The following PRMT9 variants were observed in gnomAD, a reference collection of about 807,000 sequenced individuals.
PRMT9 encodes protein arginine N-methyltransferase 9.
PRMT9 carries 59 observed loss-of-function variants against 83.2 expected under a neutral mutation model. The ratio of observed to expected loss-of-function variants is 0.71; its 90% CI spans 0.57 to 0.88. The LOEUF is 0.88. Among genes scored for constraint, PRMT9 ranks in the 40% least tolerant of loss-of-function variants. The pLI, the probability that PRMT9 is intolerant of heterozygous loss-of-function variation, is 0.00. For synonymous variants in PRMT9, 333 were observed against 353.2 expected, an observed-to-expected ratio of 0.94 and a Z score of 0.64; for missense variants, 947 against 1,021.9, an observed-to-expected ratio of 0.93 and a Z score of 1.00.
In PRMT9 at chr4:147,652,036, G is replaced by A. The variant is rs116114294; in HGVS notation, c.2045+1816C>T. Among the ~76,000 whole-genome samples, 1,306 of 151,388 alleles carry A rather than the reference G, an allele frequency of 8.6e-3. 20 individuals carry two copies. Among genetic ancestry groups the A allele is most frequent in the African/African-American group, 0.03 (1,243 of 41,256 alleles). On this transcript the variant is annotated intron_variant, in intron 9 of 11. Coordinates refer to ENST00000322396, the MANE Select transcript of PRMT9 (RefSeq NM_138364.4). ...TAAAGTGATTATACTGAATTTTTTC[G>A]CACACATAGAAGAATTTGCAAATTC...
In PRMT9 at chr4:147,683,732, TC is replaced by T. The variant is rs144420631; in HGVS notation, c.189+66del. On this transcript the variant is annotated intron_variant, in intron 1 of 11. Coordinates refer to ENST00000322396, the MANE Select transcript of PRMT9 (RefSeq NM_138364.4). Reference sequence around the variant, plus strand: ...CCTAGCCCCTCCGCTTTTTTTTTTTTCTGTTTTTTTTTTTTTTTTTACGAGG... The same window carrying T: ...CCTAGCCCCTCCGCTTTTTTTTTTTTTGTTTTTTTTTTTTTTTTTACGAGG... 1,376 of 1,088,658 alleles carry T rather than the reference TC, an allele frequency of 1.3e-3. 1 individual carries two copies. The highest frequency in any genetic ancestry group is 2.2e-3 in the East Asian group (79 of 35,156). 67.4% of individuals were successfully genotyped at this position (1,088,658 alleles called of 1,614,324 possible).
chr4:147,666,823 TAAAAAAA>T (rs67002013), intron 6 of PRMT9, among the ~76,000 whole-genome samples: 17 of 126,456 alleles, frequency 1.3e-4, no homozygotes, highest in African/African-American at 3.5e-4. Flanking sequence ...GAACTTTGTT[TAAAAAAA>T]AAAAAAAAAA....
rs76231106 is a variant in PRMT9, at chr4:147,671,947, G to T, written c.743+1012C>A. 2,545 of 453,054 alleles carry T rather than the reference G, an allele frequency of 5.6e-3. 51 individuals carry two copies. Among genetic ancestry groups the T allele is most frequent in the African/African-American group, 0.039 (1,934 of 49,928 alleles). 28.1% of individuals were successfully genotyped at this position (453,054 alleles called of 1,614,324 possible). A position where few individuals can be genotyped will look rare whatever the true frequency, so the allele number is the denominator to read the frequency against. ...CAAGAAAGCAGAATCTGCAATCCAGGAAGAGAATCCTCACAAGAAACCAAA... is the reference window on the plus strand; with the variant it reads ...CAAGAAAGCAGAATCTGCAATCCAGTAAGAGAATCCTCACAAGAAACCAAA... On this transcript the variant is annotated intron_variant, in intron 4 of 11. Coordinates refer to ENST00000322396, the MANE Select transcript of PRMT9 (RefSeq NM_138364.4).
At chr4:147,673,937 T>C (rs1467905340) in intron 2 of PRMT9, 63 bp from the exon 3 acceptor site, 5 of 1,285,862 alleles carry the variant, frequency 3.9e-6, no homozygotes, top group South Asian at 3.6e-5. Flanking sequence ...TGCAGTACCT[T>C]TGTTTATGCC....
intron 9 of PRMT9, among the ~76,000 whole-genome samples, chr4:147,649,788 A>G (rs1009730894): frequency 1.3e-5 from 2 of 152,152 alleles, no homozygotes; most frequent in Non-Finnish European, 2.9e-5. Context: ...TACAGGCATG[A>G]GCCACCGCAT....
intron 6 of PRMT9, among the ~76,000 whole-genome samples, chr4:147,662,175 T>C (rs935221461): frequency 1.3e-5 from 2 of 152,188 alleles, no homozygotes; most frequent in East Asian, 3.9e-4. Context: ...AGTCATATAA[T>C]GGAGTATGAT....
Position 147,683,844 on chromosome 4 carries a change from G to A in PRMT9, c.144C>T (p.Tyr48=), listed in dbSNP as rs1736673495. 6.2e-7 allele frequency: 1 copy of A among 1,613,496 alleles called. No homozygotes were observed. The highest frequency in any genetic ancestry group is 1.3e-5 in the African/African-American group (1 of 74,900). ...VQDFGTAYAH[Y]LLVLSLAPEL... is the part of the protein sequence containing the mutation. The stretch of plus-strand genomic sequence containing the variant: ...CCGGCGCCAGGCTGAGCACGAGGAG[G>A]TAGTGGGCATAGGCAGTGCCGAAGT... The change falls in exon 1 of 12, where the codon TAC becomes TAT. Residue 48 remains tyrosine, a synonymous_variant. Coordinates refer to ENST00000322396, the MANE Select transcript of PRMT9 (RefSeq NM_138364.4).
intron 11 of PRMT9, 28 bp from the exon 12 acceptor site, chr4:147,638,775 A>G: frequency 6.6e-7 from 1 of 1,524,390 alleles, no homozygotes; most frequent in Non-Finnish European, 9.1e-7. Context: ...TTAGGAAAAT[A>G]TCAGAGTGCA....
chr4:147,657,086 C>T (rs1466321838), intron 8 of PRMT9, among the ~76,000 whole-genome samples: 2 of 151,804 alleles, frequency 1.3e-5, no homozygotes, highest in Non-Finnish European at 2.9e-5. Context: ...AAATTTTGTG[C>T]TTATATGAGT....
chr4:147,679,862 T>C (rs1736348370), intron 2 of PRMT9, among the ~76,000 whole-genome samples: 1 of 152,092 alleles, frequency 6.6e-6, no homozygotes, highest in Non-Finnish European at 1.5e-5. Flanking sequence ...CATCCAAGGG[T>C]CAGCAGCTTC....
intron 8 of PRMT9, among the ~76,000 whole-genome samples, chr4:147,657,208 C>T (rs909162453): frequency 2.6e-5 from 4 of 152,036 alleles, no homozygotes; most frequent in African/African-American, 7.2e-5. Context: ...AATAATGGAG[C>T]AGGATTTCTT....
intron 7 of PRMT9, among the ~76,000 whole-genome samples, chr4:147,659,064 A>G (rs1578904521): frequency 6.6e-6 from 1 of 152,182 alleles, no homozygotes; most frequent in East Asian, 1.9e-4. Context: ...CTGTAGTCCC[A>G]GCTACTCGGG....
rs373218242 is a variant in PRMT9 at position 147,679,748 on chromosome 4, C to T, written c.338+575G>A. Reference sequence around the variant, plus strand: ...CTGGGCTACAAAGTGAGACTCTGCCCCCAAAAAAAACAGTGCTGGAGAGAC... The same window carrying T: ...CTGGGCTACAAAGTGAGACTCTGCCTCCAAAAAAAACAGTGCTGGAGAGAC... On this transcript the variant is annotated intron_variant, in intron 2 of 11. Coordinates refer to ENST00000322396, the MANE Select transcript of PRMT9 (RefSeq NM_138364.4). Among the ~76,000 whole-genome samples, 6 of 151,884 alleles carry T rather than the reference C, an allele frequency of 4.0e-5. No homozygotes were observed. The East Asian group carries it at 5.8e-4, about 15-fold the overall frequency.
At chr4:147,672,392 G>C (rs1322400657) in intron 4 of PRMT9, among the ~76,000 whole-genome samples, 1 of 152,190 alleles carries the variant, frequency 6.6e-6, no homozygotes, top group Non-Finnish European at 1.5e-5. Context: ...GACTAGTGTG[G>C]AACCAGATCA....
At chr4:147,673,568 CA>C in intron 3 of PRMT9, 69 bp downstream of exon 3, 1 of 997,560 alleles carries the variant, frequency 1.0e-6, no homozygotes, top group Non-Finnish European at 1.6e-6. Flanking sequence ...TTAAATTTTC[CA>C]TATCTGGCAA....
chr4:147,672,261 T>TTA (rs1243436065), intron 4 of PRMT9, among the ~76,000 whole-genome samples: 1 of 152,234 alleles, frequency 6.6e-6, no homozygotes, highest in Non-Finnish European at 1.5e-5. Context: ...AAAGTCATAG[T>TTA]TGATATAAGG....
chr4:147,640,667 TA>T (rs894437228), intron 10 of PRMT9, among the ~76,000 whole-genome samples: 27 of 146,258 alleles, frequency 1.8e-4, no homozygotes, highest in Admixed American at 1.4e-4. Flanking sequence ...TGCTTTCACC[TA>T]AAAAAAAAAG....
chr4:147,661,656 G>A (rs1361598250), intron 6 of PRMT9, among the ~76,000 whole-genome samples: 2 of 152,018 alleles, frequency 1.3e-5, no homozygotes, highest in African/African-American at 4.8e-5. Context: ...CGGGCGTGTT[G>A]GCGGGCGCCT....
rs775818432 is a variant in PRMT9, at chr4:147,653,979, CAT to C, written c.1916_1917del (p.His639ArgfsTer4). 10 of 1,614,036 alleles carry C rather than the reference CAT, an allele frequency of 6.2e-6. No individual in the cohort carries two copies. The highest frequency in any genetic ancestry group is 2.2e-5 in the East Asian group (1 of 44,898). Reference sequence around the variant, plus strand: ...TGTAACATAGCAGATTCATCCTCCACATGTCTCAGCCAAAACTCAAGTGTTTC... The same window carrying C: ...TGTAACATAGCAGATTCATCCTCCACGTCTCAGCCAAAACTCAAGTGTTTC... ...PKETLEFWLR[H>X]VEDESAMLQR... On this transcript the variant is annotated frameshift_variant, in exon 9 of 12. Coordinates refer to ENST00000322396, the MANE Select transcript of PRMT9 (RefSeq NM_138364.4). LOFTEE classifies it high-confidence loss of function.
Sources: gnomAD v4.1 joint callset for allele counts (sites outside exome capture counted in the v4.1 genomes callset) on GRCh38, gnomAD v4.1.1 for gene constraint, MANE v1.5 for transcripts, NCBI Gene and HGNC (gene_info 2026-07-23, HGNC 2026-07-21) for gene names.